Variants in KIAA1217 observed in about 807,000 individuals in gnomAD.
KIAA1217 encodes the protein sickle tail protein homolog.
In KIAA1217, 88 loss-of-function variants were observed where a neutral mutation model predicts 163.9. The observed-to-expected ratio is 0.54, with a 90% CI of 0.45 to 0.64. The LOEUF is 0.64. Ranked by LOEUF, KIAA1217 falls within the 30% of genes least tolerant of loss-of-function variation. The pLI is 0.00. For synonymous variants in KIAA1217, 903 were observed against 923.1 expected, an observed-to-expected ratio of 0.98 and a Z score of 0.39; for missense variants, 2,372 against 2,475.0, an observed-to-expected ratio of 0.96 and a Z score of 0.88.
At chr10:23,730,432 T>C (rs559699643) in intron 1 of KIAA1217, among the ~76,000 whole-genome samples, 14 of 152,336 alleles carry the variant, frequency 9.2e-5, no homozygotes, top group African/African-American at 3.4e-4. Flanking sequence ...CCAGTAAGCA[T>C]TGAAGTTGAG....
At chr10:24,203,375 A>C (rs1184137366) in intron 2 of KIAA1217, among the ~76,000 whole-genome samples, 4 of 152,190 alleles carry the variant, frequency 2.6e-5, no homozygotes. Flanking sequence ...CAAAGGCTGA[A>C]CAGGACCCTG....
At chr10:24,349,753 T>C (rs1262064579) in intron 2 of KIAA1217, among the ~76,000 whole-genome samples, 1 of 152,216 alleles carries the variant, frequency 6.6e-6, no homozygotes, top group Non-Finnish European at 1.5e-5. Context: ...TATGAGAGCT[T>C]CGTGAAGAAA....
intron 3 of KIAA1217, among the ~76,000 whole-genome samples, chr10:24,401,172 T>C (rs2056481524): frequency 6.8e-6 from 1 of 147,748 alleles, no homozygotes; most frequent in African/African-American, 2.7e-5. Flanking sequence ...GGGAAAGAAG[T>C]TACCATCAAC....
At chr10:24,219,383 G>T (rs1278011261) in intron 1 of KIAA1217, among the ~76,000 whole-genome samples, 1 of 152,136 alleles carries the variant, frequency 6.6e-6, no homozygotes, top group Non-Finnish European at 1.5e-5. Context: ...AAGTGCTGGG[G>T]TTACAGGCAG....
At chr10:23,830,314 GTC>G (rs1838118738) in intron 1 of KIAA1217, among the ~76,000 whole-genome samples, 1 of 152,176 alleles carries the variant, frequency 6.6e-6, no homozygotes, top group Non-Finnish European at 1.5e-5. Context: ...TGACAGTGAA[GTC>G]TCTCTTGATT....
intron 2 of KIAA1217, among the ~76,000 whole-genome samples, chr10:24,103,538 C>A (rs558769131): frequency 2.0e-5 from 3 of 152,284 alleles, no homozygotes; most frequent in Middle Eastern, 3.4e-3. Context: ...GCAACGAACT[C>A]TTAAAACCCA....
intron 6 of KIAA1217, among the ~76,000 whole-genome samples, chr10:24,489,808 G>A (rs965071465): frequency 2.9e-5 from 4 of 137,888 alleles, no homozygotes; most frequent in African/African-American, 8.1e-5. Context: ...AGGCTGCAGT[G>A]AGCTATGATC....
In KIAA1217 at chr10:24,484,224, C is replaced by CATATATATATATAT. The variant is rs1170144059; in HGVS notation, c.1679+10169_1679+10182dup. Reference sequence around the variant, plus strand: ...ACATATATATAGATAGATAGATATACATATATATATATATATATTTTTTTT... The same window carrying CATATATATATATAT: ...ACATATATATAGATAGATAGATATACATATATATATATATATATATATATATATATATTTTTTTT... On this transcript the variant is annotated intron_variant, in intron 6 of 20. Coordinates refer to ENST00000376454, the MANE Select transcript of KIAA1217 (RefSeq NM_019590.5). Among the ~76,000 whole-genome samples the CATATATATATATAT allele has an allele frequency of 4.7e-3, 422 of 90,290 alleles. 7 individuals carry two copies. The highest frequency in any genetic ancestry group is 9.0e-3 in the East Asian group (27 of 3,010). The allele number at this position is 90,290 out of a possible 152,430, so 59.2% of individuals were successfully genotyped here. A position where few individuals can be genotyped will look rare whatever the true frequency, so the allele number is the denominator to read the frequency against.
At chr10:23,749,867 A>C (rs1219721213) in intron 1 of KIAA1217, among the ~76,000 whole-genome samples, 1 of 151,600 alleles carries the variant, frequency 6.6e-6, no homozygotes, top group African/African-American at 2.4e-5. Context: ...CTGATTGTAC[A>C]AAAGGGACTA....
rs566300873 is a variant in KIAA1217 at position 24,313,174 on chromosome 10, A to G, written c.355-67695A>G. 7.2e-5 allele frequency among the ~76,000 whole-genome samples: 11 copies of G among 152,254 alleles called. No individual in the cohort carries two copies. In the South Asian group the frequency reaches 1.9e-3, roughly 26 times the overall value. On this transcript the variant is annotated intron_variant, in intron 2 of 20. Coordinates refer to ENST00000376454, the MANE Select transcript of KIAA1217 (RefSeq NM_019590.5). ...CTCTTCCAGTTAACTGCTGAATGCAAATCAACAGTAGAGCGGGACGTATTT... is the reference window on the plus strand; with the variant it reads ...CTCTTCCAGTTAACTGCTGAATGCAGATCAACAGTAGAGCGGGACGTATTT...
chr10:23,753,731 T>A (rs1009149385), intron 1 of KIAA1217, among the ~76,000 whole-genome samples: 48 of 152,324 alleles, frequency 3.2e-4, no homozygotes, highest in African/African-American at 1.2e-3. Context: ...TAACATTATG[T>A]CTAAAATCCA....
intron 1 of KIAA1217, among the ~76,000 whole-genome samples, chr10:23,770,673 G>T (rs1166005872): frequency 6.6e-6 from 1 of 152,152 alleles, no homozygotes; most frequent in Non-Finnish European, 1.5e-5. Flanking sequence ...ATTCACCACT[G>T]AGTCAATGTA....
At chr10:24,540,275 C>T (rs2074824219) in intron 17 of KIAA1217, among the ~76,000 whole-genome samples, 1 of 152,148 alleles carries the variant, frequency 6.6e-6, no homozygotes, top group African/African-American at 2.4e-5. Flanking sequence ...GCTCTCTCGC[C>T]CAGGCTGGAG....
chr10:24,312,027 G>C (rs1197669576), intron 2 of KIAA1217, among the ~76,000 whole-genome samples: 1 of 152,116 alleles, frequency 6.6e-6, no homozygotes, highest in African/African-American at 2.4e-5. Flanking sequence ...GCTGGTGTTA[G>C]ATTCTCTGGA....
chr10:24,204,096 G>A (rs1406567908), upstream of KIAA1217, among the ~76,000 whole-genome samples: 1 of 152,230 alleles, frequency 6.6e-6, no homozygotes, highest in Non-Finnish European at 1.5e-5. Context: ...GGATCTATGT[G>A]TAGTTTCACA....
intron 1 of KIAA1217, among the ~76,000 whole-genome samples, chr10:23,934,568 T>TAC (rs1184519799): frequency 1.3e-5 from 1 of 78,752 alleles, no homozygotes; most frequent in Non-Finnish European, 2.1e-5. Flanking sequence ...TATATATATA[T>TAC]ATATATATAT....
chr10:24,203,626 A>G (rs1393410734), intron 2 of KIAA1217, among the ~76,000 whole-genome samples: 2 of 152,046 alleles, frequency 1.3e-5, no homozygotes, highest in East Asian at 3.9e-4. Flanking sequence ...AGGGCAGAAA[A>G]TAAGCCAGGA....
At chr10:24,037,439 A>G (rs1386763936) in intron 2 of KIAA1217, among the ~76,000 whole-genome samples, 1 of 152,210 alleles carries the variant, frequency 6.6e-6, no homozygotes, top group African/African-American at 2.4e-5. Context: ...GCAGTGAGCC[A>G]AGATCGCACC....
At chr10:24,446,764 T>C (rs1392601581) in intron 5 of KIAA1217, among the ~76,000 whole-genome samples, 1 of 152,210 alleles carries the variant, frequency 6.6e-6, no homozygotes, top group Non-Finnish European at 1.5e-5. Flanking sequence ...TTCACACCTA[T>C]ACAATGTGAG....
Sources: gnomAD v4.1 joint callset for allele counts (sites outside exome capture counted in the v4.1 genomes callset) on GRCh38, gnomAD v4.1.1 for gene constraint, MANE v1.5 for transcripts, NCBI Gene and HGNC (gene_info 2026-07-23, HGNC 2026-07-21) for gene names.